Variants in ADAM2 observed in about 807,000 individuals in gnomAD.
ADAM2 encodes the protein ADAM metallopeptidase domain 2, also known as disintegrin and metalloproteinase domain-containing protein 2.
In ADAM2, 101 loss-of-function variants were observed where a neutral mutation model predicts 99.3. The observed-to-expected ratio is 1.02, with a 90% CI of 0.87 to 1.20. The LOEUF is 1.20. Among genes scored for constraint, ADAM2 ranks in the 50% most tolerant of loss-of-function variants. The pLI is 0.00. For missense variants in ADAM2, 948 were observed against 878.7 expected (o/e 1.08, Z -1.00); for synonymous variants, 323 against 287.6 (o/e 1.12, Z -1.25).
chr8:39,746,488 C>T lies in ADAM2; in HGVS notation c.2158G>A (p.Asp720Asn), dbSNP rs1823467515. 1.3e-6 allele frequency: 2 copies of T among 1,589,726 alleles called. No homozygotes were observed. The highest frequency in any genetic ancestry group is 1.7e-6 in the Non-Finnish European group (2 of 1,170,046). ...NFQRKKWRTE[D>N]YSSDEQPESE... Reference sequence around the variant, plus strand: ...TCAATATACTCATCGCTTGAATAGTCCTCAGTTCTCCATTTTTTCCTTTGG... The same window carrying T: ...TCAATATACTCATCGCTTGAATAGTTCTCAGTTCTCCATTTTTTCCTTTGG... The change falls in exon 19 of 21, where the codon GAC (aspartate) becomes AAC (asparagine). Residue 720 changes from aspartate (D) to asparagine (N), a missense_variant. Asp to Asn is a conservative substitution (Grantham distance 23). Transcript: ENST00000265708.
At chr8:39,784,414 TC>T (rs1487246318) in intron 10 of ADAM2, among the ~76,000 whole-genome samples, 1 of 152,162 alleles carries the variant, frequency 6.6e-6, no homozygotes, top group African/African-American at 2.4e-5. Flanking sequence ...GGAGTCTTGC[TC>T]TGTTGCCCAG....
At chr8:39,768,328 G>T (rs972725082) in intron 12 of ADAM2, among the ~76,000 whole-genome samples, 2 of 152,046 alleles carry the variant, frequency 1.3e-5, no homozygotes, top group African/African-American at 4.8e-5. Context: ...AGGTTGGAAG[G>T]CTACATGAGT....
intron 7 of ADAM2, among the ~76,000 whole-genome samples, chr8:39,806,297 A>G (rs1804437524): frequency 6.6e-6 from 1 of 152,008 alleles, no homozygotes; most frequent in Non-Finnish European, 1.5e-5. Context: ...GTGATGACAC[A>G]CTGCTAGAGA....
Position 39,755,288 on chromosome 8 carries a change from T to C in ADAM2, c.1797+440A>G, listed in dbSNP as rs553807315. On this transcript the variant is annotated intron_variant, in intron 16 of 20. Transcript: ENST00000265708. Reference sequence around the variant, plus strand: ...AATGTCATATATGCATGATTGCAAATATTTTATTCTTTTAAAGTTTGTTTT... The same window carrying C: ...AATGTCATATATGCATGATTGCAAACATTTTATTCTTTTAAAGTTTGTTTT... Among the ~76,000 whole-genome samples the C allele has an allele frequency of 3.3e-5, 5 of 152,296 alleles. No homozygotes were observed. The South Asian group carries it at 1.0e-3, about 32-fold the overall frequency.
chr8:39,771,698 G>A (rs1802785237), intron 11 of ADAM2, among the ~76,000 whole-genome samples: 1 of 152,016 alleles, frequency 6.6e-6, no homozygotes, highest in Admixed American at 6.5e-5. Context: ...ATGACTTTTT[G>A]TGTGGTTGCA....
At position 39,799,240 on chromosome 8, in the gene ADAM2, T is replaced by C. The variant is rs975384986; in HGVS notation, c.570+10170A>G. On this transcript the variant is annotated intron_variant, in intron 7 of 20. Coordinates refer to ENST00000265708, the MANE Select transcript of ADAM2 (RefSeq NM_001464.5). ...CCCAGAGATTCTGTTAGGTTGTCTC[T>C]TTGTTCTTACTGGTTTCCAAGAACT... Among the ~76,000 whole-genome samples the C allele has an allele frequency of 2.0e-5, 3 of 152,224 alleles. No individual in the cohort carries two copies. In the South Asian group the frequency reaches 6.2e-4, roughly 31 times the overall value.
At position 39,769,333 on chromosome 8, in the gene ADAM2, G is replaced by A. The variant is rs947431026; in HGVS notation, c.1212+59C>T. ...TAAGGAAAATGGCAGTTTCTCACTC[G>A]AATTAATAAGTAATTTTTGCTGCAA... is the stretch of plus-strand genomic sequence containing the variant. On this transcript the variant is annotated intron_variant, in intron 12 of 20. Coordinates refer to ENST00000265708, the MANE Select transcript of ADAM2 (RefSeq NM_001464.5). The A allele has an allele frequency of 6.8e-5, 92 of 1,354,234 alleles. No individual in the cohort carries two copies. The Admixed American group carries it at 8.0e-4, about 12-fold the overall frequency. The allele number at this position is 1,354,234 out of a possible 1,614,324, so 83.9% of individuals were successfully genotyped here.
chr8:39,769,744 A>G (rs1049297864), intron 11 of ADAM2, among the ~76,000 whole-genome samples, 169 bp from the exon 12 acceptor site: 7 of 152,134 alleles, frequency 4.6e-5, no homozygotes, highest in African/African-American at 7.2e-5. Context: ...GAATGTAAAT[A>G]TTTTAGTGGA....
At chr8:39,817,844 GAAAT>G (rs1805018365) in intron 6 of ADAM2, 1 of 151,538 alleles carries the variant, frequency 6.6e-6, no homozygotes, top group Non-Finnish European at 1.5e-5. Flanking sequence ...AATATGACAA[GAAAT>G]AAATAGATAA....
rs764431748 is a variant in ADAM2, at chr8:39,749,270, A to G, written c.2014+42T>C. 6.9e-5 allele frequency: 105 copies of G among 1,514,346 alleles called. No homozygotes were observed. In the East Asian group the frequency reaches 2.5e-3, roughly 36 times the overall value. 93.8% of individuals were successfully genotyped at this position (1,514,346 alleles called of 1,614,324 possible). A position where few individuals can be genotyped will look rare whatever the true frequency, so the allele number is the denominator to read the frequency against. On this transcript the variant is annotated intron_variant, in intron 18 of 20. Coordinates refer to ENST00000265708, the MANE Select transcript of ADAM2 (RefSeq NM_001464.5). ...TTTGTTATCCAATTTAATAAATTCA[A>G]ATTATGTTTTAATTATTTTCTGATT...
intron 7 of ADAM2, among the ~76,000 whole-genome samples, chr8:39,806,665 T>G (rs1441006966): frequency 2.0e-5 from 3 of 152,082 alleles, no homozygotes; most frequent in African/African-American, 7.2e-5. Context: ...AGTGGCATTG[T>G]GCCTCCTGAC....
At chr8:39,826,086 T>C (rs1805384843) in intron 3 of ADAM2, among the ~76,000 whole-genome samples, 1 of 152,200 alleles carries the variant, frequency 6.6e-6, no homozygotes, top group Non-Finnish European at 1.5e-5. Flanking sequence ...TAGTTTTCAA[T>C]GTACAGATCT....
At chr8:39,759,206 G>GTA (rs922396733) in intron 15 of ADAM2, among the ~76,000 whole-genome samples, 7 of 152,152 alleles carry the variant, frequency 4.6e-5, no homozygotes, top group African/African-American at 1.7e-4. Flanking sequence ...AAAATGGCAT[G>GTA]TACCTTTAAA....
intron 1 of ADAM2, among the ~76,000 whole-genome samples, 168 bp downstream of exon 1, chr8:39,837,963 A>G (rs1187039505): frequency 1.3e-5 from 2 of 151,944 alleles, no homozygotes; most frequent in African/African-American, 4.8e-5. Flanking sequence ...CCCTTATTCT[A>G]CGTGGATTTT....
intron 16 of ADAM2, among the ~76,000 whole-genome samples, chr8:39,753,926 T>C (rs1393955242): frequency 2.0e-5 from 3 of 152,174 alleles, no homozygotes; most frequent in Non-Finnish European, 4.4e-5. Flanking sequence ...GTTTGTAGAA[T>C]GGCTCTATTC....
At chr8:39,777,219 C>A (rs1047651459) in intron 10 of ADAM2, 58 bp from the exon 11 acceptor site, 2 of 1,368,076 alleles carry the variant, frequency 1.5e-6, no homozygotes, top group African/African-American at 1.5e-5. Flanking sequence ...ACTGGGAGAA[C>A]AATGCAATTA....
At chr8:39,788,276 G>C in intron 8 of ADAM2, 25 bp from the exon 9 acceptor site, 1 of 1,396,748 alleles carries the variant, frequency 7.2e-7, no homozygotes, top group East Asian at 2.5e-5. Context: ...ATACAAAAGT[G>C]TGCTCAAAAG....
chr8:39,754,033 C>T (rs1802059386), intron 16 of ADAM2, among the ~76,000 whole-genome samples: 1 of 152,178 alleles, frequency 6.6e-6, no homozygotes, highest in Non-Finnish European at 1.5e-5. Flanking sequence ...TCTGAGCATG[C>T]ATCTTTCCTA....
At chr8:39,757,089 T>G (rs1391150848) in intron 15 of ADAM2, among the ~76,000 whole-genome samples, 3 of 152,220 alleles carry the variant, frequency 2.0e-5, no homozygotes, top group Non-Finnish European at 4.4e-5. Flanking sequence ...TTAAAACATC[T>G]AATTTACAGC....
Sources: gnomAD v4.1 joint callset for allele counts (sites outside exome capture counted in the v4.1 genomes callset) on GRCh38, gnomAD v4.1.1 for gene constraint, MANE v1.5 for transcripts, NCBI Gene and HGNC (gene_info 2026-07-23, HGNC 2026-07-21) for gene names.